The following ANO6 variants were observed in gnomAD, a reference collection of about 807,000 sequenced individuals.
ANO6 encodes the protein anoctamin-6.
In ANO6, 106 loss-of-function variants were observed where a neutral mutation model predicts 117.5. The observed-to-expected ratio is 0.90, with a 90% CI of 0.77 to 1.06. The LOEUF (loss-of-function observed/expected upper bound fraction) is 1.06, where lower values mean the gene tolerates loss of function less well. Among genes scored for constraint, ANO6 ranks in the 50% least tolerant of loss-of-function variants. ANO6 has a pLI of 0.00. For missense variants in ANO6, 955 were observed against 1,121.1 expected (o/e 0.85, Z 2.12); for synonymous variants, 367 against 385.1 (o/e 0.95, Z 0.55).
chr12:45,319,544 C>T (rs568905759), intron 2 of ANO6, among the ~76,000 whole-genome samples: 3 of 152,234 alleles, frequency 2.0e-5, no homozygotes, highest in Non-Finnish European at 2.9e-5. Context: ...ATTTTCACAT[C>T]GATGTTCATC....
intron 1 of ANO6, among the ~76,000 whole-genome samples, chr12:45,267,806 T>G (rs1592896523): frequency 6.6e-6 from 1 of 151,226 alleles, no homozygotes; most frequent in Non-Finnish European, 1.5e-5. Flanking sequence ...AAAATAGCAC[T>G]TACTTGTTGT....
At chr12:45,371,284 A>C (rs1593026261) in intron 9 of ANO6, among the ~76,000 whole-genome samples, 1 of 152,152 alleles carries the variant, frequency 6.6e-6, no homozygotes, top group Non-Finnish European at 1.5e-5. Context: ...AGGCTAGGGG[A>C]GGGGCGCCCG....
At chr12:45,267,643 T>G (rs1486755037) in intron 1 of ANO6, among the ~76,000 whole-genome samples, 5 of 151,942 alleles carry the variant, frequency 3.3e-5, no homozygotes, top group Non-Finnish European at 7.4e-5. Context: ...ATATAAAAAT[T>G]AGCCAGGCAT....
At chr12:45,222,794 C>G (rs1372142512) in intron 1 of ANO6, among the ~76,000 whole-genome samples, 4 of 152,252 alleles carry the variant, frequency 2.6e-5, no homozygotes, top group Non-Finnish European at 5.9e-5. Flanking sequence ...CAGAAGGGAT[C>G]CTGCCCCATA....
chr12:45,353,817 G>A (rs754427961), intron 7 of ANO6, among the ~76,000 whole-genome samples: 5 of 151,994 alleles, frequency 3.3e-5, no homozygotes, highest in Admixed American at 6.6e-5. Flanking sequence ...ACAAGGGCAG[G>A]GTCCTATAAA....
intron 1 of ANO6, among the ~76,000 whole-genome samples, chr12:45,282,823 G>A (rs1380200853): frequency 6.6e-6 from 1 of 152,194 alleles, no homozygotes; most frequent in Admixed American, 6.5e-5. Flanking sequence ...AAGTATAACT[G>A]AGAATCATCT....
rs865964564 is a variant in ANO6, at chr12:45,238,190, G to A, written c.70+21799G>A. On this transcript the variant is annotated intron_variant, in intron 1 of 19. Coordinates refer to ENST00000320560, the MANE Select transcript of ANO6 (RefSeq NM_001025356.3). ...TTTTGAGACAGAGTCTCACTCTGTC[G>A]CCCAGGCTGGAGTGCAGTGGCAGGA... Among the ~76,000 whole-genome samples, 19 of 138,198 alleles carry A rather than the reference G, an allele frequency of 1.4e-4. No homozygotes were observed. In the East Asian group the frequency reaches 1.5e-3, roughly 11 times the overall value. 90.7% of individuals were successfully genotyped at this position (138,198 alleles called of 152,430 possible). A position where few individuals can be genotyped will look rare whatever the true frequency, so the allele number is the denominator to read the frequency against.
At chr12:45,294,732 A>C (rs144372650) in intron 1 of ANO6, among the ~76,000 whole-genome samples, 336 of 152,300 alleles carry the variant, frequency 2.2e-3, no homozygotes, top group African/African-American at 7.6e-3. Flanking sequence ...AGTAACCAAC[A>C]TTGCCCAGAA....
chr12:45,414,649 A>G (rs1252569544), intron 16 of ANO6, among the ~76,000 whole-genome samples: 1 of 152,222 alleles, frequency 6.6e-6, no homozygotes, highest in Non-Finnish European at 1.5e-5. Flanking sequence ...AATATCTCCC[A>G]GAGCTATCCC....
chr12:45,280,652 C>T (rs572143357), intron 1 of ANO6, among the ~76,000 whole-genome samples: 55 of 152,272 alleles, frequency 3.6e-4, no homozygotes, highest in African/African-American at 1.2e-3. Flanking sequence ...TCCTGGCACA[C>T]CGAGTCAGCA....
At chr12:45,234,929 C>T (rs111424577) in intron 1 of ANO6, among the ~76,000 whole-genome samples, 2,165 of 152,198 alleles carry the variant, frequency 0.014, 41 homozygotes, top group African/African-American at 0.048. Context: ...CCTAGGACCT[C>T]AGTCTCTTTA....
At chr12:45,433,949 C>T (rs907099892), downstream of ANO6, among the ~76,000 whole-genome samples, 27 of 152,152 alleles carry the variant, frequency 1.8e-4, no homozygotes, top group African/African-American at 6.3e-4. Context: ...TTCCATTTCC[C>T]AGCAGAAAAC....
chr12:45,401,575 G>C (rs1942787758), intron 12 of ANO6, among the ~76,000 whole-genome samples: 1 of 152,034 alleles, frequency 6.6e-6, no homozygotes, highest in South Asian at 2.1e-4. Context: ...TTCTCCTCTA[G>C]TTAATGTTTT....
At chr12:45,240,042 C>T (rs936721847) in intron 1 of ANO6, among the ~76,000 whole-genome samples, 2 of 152,124 alleles carry the variant, frequency 1.3e-5, no homozygotes, top group Non-Finnish European at 2.9e-5. Context: ...ATTAGGTCTG[C>T]TTAGTGCAGA....
intron 17 of ANO6, among the ~76,000 whole-genome samples, 155 bp downstream of exon 17, chr12:45,417,059 A>G (rs571992120): frequency 7.9e-5 from 12 of 152,352 alleles, no homozygotes; most frequent in African/African-American, 2.9e-4. Flanking sequence ...ACCACTTGTT[A>G]AATGTATTTT....
intron 1 of ANO6, chr12:45,270,495 C>T (rs1938359861): frequency 7.2e-7 from 1 of 1,387,496 alleles, no homozygotes. Context: ...CCTTTTCTGA[C>T]TCCTCATACT....
At chr12:45,359,325 T>G (rs1399878777) in intron 8 of ANO6, among the ~76,000 whole-genome samples, 3 of 152,226 alleles carry the variant, frequency 2.0e-5, no homozygotes, top group African/African-American at 7.2e-5. Context: ...TTGAAAATAT[T>G]AAAAATGTGT....
At chr12:45,372,418 C>T (rs1941870160) in intron 9 of ANO6, among the ~76,000 whole-genome samples, 1 of 142,366 alleles carries the variant, frequency 7.0e-6, no homozygotes, top group Admixed American at 7.1e-5. Context: ...GTCAGATTCA[C>T]CAAAGTTGAA....
chr12:45,375,986 A>G (rs2137537614), intron 9 of ANO6, among the ~76,000 whole-genome samples: 1 of 150,172 alleles, frequency 6.7e-6, no homozygotes, highest in South Asian at 2.1e-4. Context: ...CAGAATCTAC[A>G]ATGAACTCAA....
Sources: gnomAD v4.1 joint callset for allele counts (sites outside exome capture counted in the v4.1 genomes callset) on GRCh38, gnomAD v4.1.1 for gene constraint, MANE v1.5 for transcripts, NCBI Gene and HGNC (gene_info 2026-07-23, HGNC 2026-07-21) for gene names.